LBHD1: variants seen among roughly 807,000 people sequenced by gnomAD.
The protein encoded by LBHD1 is LBH domain containing 1, also known as LBH domain-containing protein 1.
In LBHD1, 28 loss-of-function variants were observed where a neutral mutation model predicts 31.1. The observed-to-expected ratio is 0.90, with a 90% CI of 0.67 to 1.24. The LOEUF (loss-of-function observed/expected upper bound fraction) is 1.24. Ranked by LOEUF, LBHD1 falls within the 50% of genes most tolerant of loss-of-function variation. The pLI, the probability that LBHD1 is intolerant of heterozygous loss-of-function variation, is 0.00. For missense variants in LBHD1, 350 were observed against 323.0 expected (o/e 1.08, Z -0.64); for synonymous variants, 105 against 116.5 (o/e 0.90, Z 0.63).
intron 4 of LBHD1, chr11:62,666,677 A>G: frequency 1.2e-6 from 2 of 1,614,058 alleles, no homozygotes; most frequent in South Asian, 2.2e-5. Context: ...GGCCCACATG[A>G]ATAGCCTCCT....
chr11:62,663,147 G>A lies in LBHD1; in HGVS notation c.774C>T (p.Phe258=). The A allele has an allele frequency of 1.9e-6, 3 of 1,614,116 alleles. No individual in the cohort carries two copies. The highest frequency in any genetic ancestry group is 2.5e-6 in the Non-Finnish European group (3 of 1,180,012). ...REDSHGSGSP[F]KASQD is the part of the protein sequence containing the mutation. ...TGGTTCACTAGTCCTGGCTGGCTTT[G>A]AAGGGGCTTCCACTGAGTAAAGGGA... Residue 258 remains phenylalanine (F), a synonymous_variant, in exon 7 of 7, where the codon TTC becomes TTT. Coordinates refer to ENST00000354588, the MANE Select transcript of LBHD1 (RefSeq NM_024099.5).
chr11:62,664,082 G>GAAAAAAAAAAAA (rs71056540), intron 5 of LBHD1, among the ~76,000 whole-genome samples: 1 of 65,940 alleles, frequency 1.5e-5, no homozygotes, highest in African/African-American at 6.1e-5. Context: ...CAAAAAAGAG[G>GAAAAAAAAAAAA]AAAAAAAAAA....
At chr11:62,663,800 C>T (rs756589116) in intron 5 of LBHD1, among the ~76,000 whole-genome samples, 5 of 151,172 alleles carry the variant, frequency 3.3e-5, no homozygotes, top group African/African-American at 7.3e-5. Context: ...AGATCGGGGG[C>T]GGTGGCTTAT....
chr11:62,665,143 G>T, intron 4 of LBHD1, 170 bp from the exon 5 acceptor site: 1 of 1,013,542 alleles, frequency 9.9e-7, no homozygotes, highest in Non-Finnish European at 1.5e-6. Flanking sequence ...TTCGGGGCCG[G>T]TTGATCTTTC....
intron 4 of LBHD1, chr11:62,667,231 T>C: frequency 1.5e-6 from 1 of 672,910 alleles, no homozygotes; most frequent in South Asian, 1.9e-5. Flanking sequence ...AGAGTGAGAA[T>C]AACTTGGAGT....
intron 5 of LBHD1, among the ~76,000 whole-genome samples, chr11:62,664,501 T>G (rs902461428): frequency 1.3e-5 from 2 of 151,904 alleles, no homozygotes; most frequent in Non-Finnish European, 2.9e-5. Context: ...TGGCTAATTT[T>G]TGTATTTTTA....
At position 62,666,811 on chromosome 11, in the gene LBHD1, G is replaced by A. The variant is rs750614380; in HGVS notation, c.538+712C>T. The A allele has an allele frequency of 2.5e-6, 4 of 1,614,106 alleles. No individual in the cohort carries two copies. In the East Asian group the frequency reaches 8.9e-5, roughly 36 times the overall value. On this transcript the variant is annotated intron_variant, in intron 4 of 6. Transcript: ENST00000354588. ...CTTCAGGCTCTTTCCAACTACTGCTGGACAAAGGCACATGGGATGCTGTTG... is the reference window on the plus strand; with the variant it reads ...CTTCAGGCTCTTTCCAACTACTGCTAGACAAAGGCACATGGGATGCTGTTG...
At chr11:62,665,233 G>A in intron 4 of LBHD1, 1 of 771,322 alleles carries the variant, frequency 1.3e-6, no homozygotes, top group Non-Finnish European at 2.2e-6. Context: ...GCGGGGCTCC[G>A]CCCCGGCCTT....
intron 4 of LBHD1, chr11:62,666,406 T>A: frequency 6.2e-7 from 1 of 1,609,866 alleles, no homozygotes; most frequent in Non-Finnish European, 8.5e-7. Context: ...GCTCACTGGC[T>A]GATAGTTGCC....
In LBHD1 at chr11:62,671,884, C is replaced by A. The variant is rs1590855462; in HGVS notation, c.-331G>T. 6.2e-7 allele frequency: 1 copy of A among 1,613,842 alleles called. No individual in the cohort carries two copies. The highest frequency in any genetic ancestry group is 2.2e-5 in the East Asian group (1 of 44,870). ...GCTAAAGGTAGAAGCAACTGGTAGT[C>A]CCGAGGAAGGGTGGGCGGGTGGAGA... On this transcript the variant is annotated 5_prime_UTR_variant, in exon 1 of 7. Coordinates refer to ENST00000354588, the MANE Select transcript of LBHD1 (RefSeq NM_024099.5).
chr11:62,670,108 C>G, intron 1 of LBHD1, 67 bp from the exon 2 acceptor site: 1 of 1,470,654 alleles, frequency 6.8e-7, no homozygotes, highest in Non-Finnish European at 9.2e-7. Context: ...CAAACTGTTC[C>G]TTTAATCTTC....
chr11:62,666,899 C>G, intron 4 of LBHD1: 1 of 1,614,178 alleles, frequency 6.2e-7, no homozygotes, highest in Non-Finnish European at 8.5e-7. Flanking sequence ...TCTAAACCCT[C>G]AGGGGACCCT....
chr11:62,667,367 T>C (rs1431516014), intron 4 of LBHD1, 156 bp downstream of exon 4: 2 of 752,492 alleles, frequency 2.7e-6, no homozygotes, highest in Non-Finnish European at 4.4e-6. Flanking sequence ...AGACAGGAAC[T>C]GAATCAAAAC....
intron 3 of LBHD1, chr11:62,669,352 G>A (rs1431640793): frequency 4.8e-5 from 46 of 965,316 alleles, no homozygotes; most frequent in Non-Finnish European, 5.3e-5. Context: ...AGCTGAGATC[G>A]CGCCACTGCA....
chr11:62,664,321 ATATTCT>A (rs1411944099), intron 5 of LBHD1, among the ~76,000 whole-genome samples: 2 of 138,114 alleles, frequency 1.4e-5, no homozygotes, highest in African/African-American at 5.4e-5. Flanking sequence ...AGATTTCCTG[ATATTCT>A]TTTTTTTTTT....
intron 4 of LBHD1, chr11:62,667,251 T>A: frequency 1.5e-6 from 1 of 647,386 alleles, no homozygotes; most frequent in Non-Finnish European, 2.6e-6. Context: ...TTACGGAGAT[T>A]ACATACAATG....
At chr11:62,671,416 G>C in intron 1 of LBHD1, 148 bp downstream of exon 1, 1 of 1,267,772 alleles carries the variant, frequency 7.9e-7, no homozygotes, top group South Asian at 1.4e-5. Flanking sequence ...TCGGAAGACA[G>C]AAAAATGGGC....
rs1489634149 is a variant in LBHD1 at position 62,667,798 on chromosome 11, T to A, written c.314-51A>T. 3.0e-6 allele frequency: 4 copies of A among 1,315,588 alleles called. No individual in the cohort carries two copies. The South Asian group carries it at 5.1e-5, about 17-fold the overall frequency. 81.5% of individuals were successfully genotyped at this position (1,315,588 alleles called of 1,614,324 possible). Reference sequence around the variant, plus strand: ...AAAATATTACTGATATATTATCAAATTACAAAACTAGGCCAGGCATGCTGG... The same window carrying A: ...AAAATATTACTGATATATTATCAAAATACAAAACTAGGCCAGGCATGCTGG... On this transcript the variant is annotated intron_variant, in intron 3 of 6. Transcript: ENST00000354588.
Position 62,669,801 on chromosome 11 carries a change from A to G in LBHD1, c.153T>C (p.Asp51=). 6.2e-7 allele frequency: 1 copy of G among 1,614,196 alleles called. No individual in the cohort carries two copies. Among genetic ancestry groups the G allele is most frequent in the East Asian group, 2.2e-5 (1 of 44,880 alleles). Residue 51 remains aspartate (D), a splice_region_variant and synonymous_variant, in exon 3 of 7, where the codon GAT becomes GAC. Transcript: ENST00000354588. Reference sequence around the variant, plus strand: ...ACGGCAGATGGGACTTTTGAGAGAAATCCTGAATAGGGACAGCAGGGAGGT... The same window carrying G: ...ACGGCAGATGGGACTTTTGAGAGAAGTCCTGAATAGGGACAGCAGGGAGGT... ...GKVEGHQHIQ[D]FSQKSHLPSI... is the part of the protein sequence containing the mutation.
Sources: gnomAD v4.1 joint callset for allele counts (sites outside exome capture counted in the v4.1 genomes callset) on GRCh38, gnomAD v4.1.1 for gene constraint, MANE v1.5 for transcripts, NCBI Gene and HGNC (gene_info 2026-07-23, HGNC 2026-07-21) for gene names.